Variants in RGSL1 observed in about 807,000 individuals in gnomAD.
The protein encoded by RGSL1 is regulator of G protein signaling like 1, also known as regulator of G protein signaling protein-like.
A neutral mutation model predicts 124.7 loss-of-function variants in RGSL1; 97 were observed. That is an observed-to-expected ratio of 0.78 (90% CI 0.66 to 0.92). RGSL1 has a LOEUF of 0.92. Ranked by LOEUF, RGSL1 falls within the 40% of genes least tolerant of loss-of-function variation. The probability of loss-of-function intolerance (pLI) is 0.00; values close to 1 mark genes in which losing one functional copy is unlikely to be tolerated. For synonymous variants in RGSL1, 424 were observed against 438.1 expected, an observed-to-expected ratio of 0.97 and a Z score of 0.40; for missense variants, 1,233 against 1,288.4, an observed-to-expected ratio of 0.96 and a Z score of 0.66.
intron 18 of RGSL1, among the ~76,000 whole-genome samples, chr1:182,553,079 T>C (rs544977092): frequency 4.9e-4 from 75 of 152,268 alleles, no homozygotes; most frequent in African/African-American, 1.6e-3. Flanking sequence ...TAATTTTATA[T>C]TTTTAATAGA....
At chr1:182,483,617 T>C (rs1654875983) in intron 6 of RGSL1, among the ~76,000 whole-genome samples, 1 of 152,162 alleles carries the variant, frequency 6.6e-6, no homozygotes, top group Non-Finnish European at 1.5e-5. Flanking sequence ...TATAGACATA[T>C]ATTTCTATTA....
intron 9 of RGSL1, among the ~76,000 whole-genome samples, chr1:182,493,507 T>C (rs1655685519): frequency 1.3e-5 from 2 of 151,868 alleles, no homozygotes; most frequent in Non-Finnish European, 2.9e-5. Context: ...TCTAAGAGAG[T>C]GAGGAAGGCA....
intron 9 of RGSL1, among the ~76,000 whole-genome samples, chr1:182,518,680 G>A (rs1658088310): frequency 6.6e-6 from 1 of 152,170 alleles, no homozygotes; most frequent in Non-Finnish European, 1.5e-5. Context: ...ACAGCAAGTT[G>A]GGGGAAAACT....
intron 17 of RGSL1, 33 bp downstream of exon 17, chr1:182,548,857 G>A: frequency 6.5e-7 from 1 of 1,549,046 alleles, no homozygotes; most frequent in Non-Finnish European, 8.7e-7. Flanking sequence ...TGACTGTTAG[G>A]TCAGGAAAAC....
chr1:182,521,832 A>G (rs74704043), intron 9 of RGSL1, among the ~76,000 whole-genome samples, 172 bp from the exon 10 acceptor site: 2,938 of 152,328 alleles, frequency 0.019, 97 homozygotes, highest in African/African-American at 0.067. Context: ...CAGGGGTATC[A>G]GTCATCCCTA....
chr1:182,460,160 CTGTGTGTGTG>C, intron 4 of RGSL1, 27 bp downstream of exon 4: 1 of 1,429,790 alleles, frequency 7.0e-7, no homozygotes, highest in Non-Finnish European at 9.3e-7. Flanking sequence ...ATGCGTGTGT[CTGTGTGTGTG>C]TGTGTGTGTG....
intron 14 of RGSL1, 59 bp downstream of exon 14, chr1:182,532,850 C>T: frequency 2.0e-6 from 3 of 1,497,782 alleles, no homozygotes; most frequent in South Asian, 2.4e-5. Flanking sequence ...TGAGGGTCAG[C>T]CCACATAAGA....
chr1:182,488,365 T>C lies in RGSL1; in HGVS notation c.1494+18T>C, dbSNP rs762246788. 97 of 1,547,798 alleles carry C rather than the reference T, an allele frequency of 6.3e-5. No individual in the cohort carries two copies. The highest frequency in any genetic ancestry group is 2.3e-5 in the Non-Finnish European group (26 of 1,143,206). On this transcript the variant is annotated intron_variant, in intron 7 of 21. Transcript: ENST00000294854. ...TTTTTACGGTAGGAAGGACTTTGGGTTAGGAAGGAATCATGAGGATGAGGG... is the reference window on the plus strand; with the variant it reads ...TTTTTACGGTAGGAAGGACTTTGGGCTAGGAAGGAATCATGAGGATGAGGG...
chr1:182,552,599 C>A (rs1660634463), intron 18 of RGSL1, among the ~76,000 whole-genome samples: 1 of 152,192 alleles, frequency 6.6e-6, no homozygotes, highest in South Asian at 2.1e-4. Flanking sequence ...CCTCTCTCAG[C>A]CTCACATCCC....
intron 9 of RGSL1, among the ~76,000 whole-genome samples, chr1:182,515,440 T>C (rs1657792058): frequency 6.6e-6 from 1 of 150,790 alleles, no homozygotes; most frequent in Non-Finnish European, 1.5e-5. Flanking sequence ...AAGTCTCAAA[T>C]GGGCCCTGGC....
At chr1:182,465,046 C>T (rs1169811093) in intron 4 of RGSL1, among the ~76,000 whole-genome samples, 1 of 147,492 alleles carries the variant, frequency 6.8e-6, no homozygotes, top group Non-Finnish European at 1.5e-5. Flanking sequence ...CACTGCACTC[C>T]AGCCTAGGTA....
chr1:182,483,889 G>A (rs1389737168), intron 6 of RGSL1, among the ~76,000 whole-genome samples: 1 of 152,094 alleles, frequency 6.6e-6, no homozygotes, highest in African/African-American at 2.4e-5. Context: ...ACAGAGCACA[G>A]CTCTGGTCCA....
intron 1 of RGSL1, among the ~76,000 whole-genome samples, chr1:182,451,531 G>C (rs571252522): frequency 1.3e-4 from 15 of 119,456 alleles, no homozygotes; most frequent in African/African-American, 4.0e-4. Flanking sequence ...CAAAGACATG[G>C]AGGTTTCAAG....
At chr1:182,545,816 A>G (rs1046955760) in intron 15 of RGSL1, among the ~76,000 whole-genome samples, 1 of 151,354 alleles carries the variant, frequency 6.6e-6, no homozygotes, top group Non-Finnish European at 1.5e-5. Flanking sequence ...TTTATATGTT[A>G]TTTTCTTCTT....
At chr1:182,548,869 C>T in intron 17 of RGSL1, 45 bp downstream of exon 17, 1 of 1,544,888 alleles carries the variant, frequency 6.5e-7, no homozygotes. Flanking sequence ...CAGGAAAACA[C>T]ACTTAGTTTG....
At chr1:182,461,104 G>C (rs1014308060) in intron 4 of RGSL1, among the ~76,000 whole-genome samples, 6 of 152,064 alleles carry the variant, frequency 3.9e-5, no homozygotes, top group Admixed American at 3.9e-4. Flanking sequence ...GGGATTTACA[G>C]AGCTGACATC....
intron 9 of RGSL1, among the ~76,000 whole-genome samples, chr1:182,508,290 G>GTTTTTTTTTTTTTTTTTTTTT (rs58641894): frequency 3.7e-5 from 2 of 53,784 alleles, no homozygotes; most frequent in African/African-American, 7.9e-5. Flanking sequence ...TGGTGGTGGT[G>GTTTTTTTTTTTTTTTTTTTTT]TTTTTTTTTT....
chr1:182,518,120 G>T (rs747688040), intron 9 of RGSL1, among the ~76,000 whole-genome samples: 3 of 152,100 alleles, frequency 2.0e-5, no homozygotes, highest in Non-Finnish European at 4.4e-5. Context: ...GCTCACTGCA[G>T]CCTCAACTTC....
chr1:182,452,341 G>A (rs1209251443), intron 1 of RGSL1, among the ~76,000 whole-genome samples: 1 of 152,152 alleles, frequency 6.6e-6, no homozygotes, highest in African/African-American at 2.4e-5. Flanking sequence ...GAGGGCTTGG[G>A]AGGGGTACAC....
Sources: allele counts gnomAD v4.1 joint callset (sites outside exome capture counted in the v4.1 genomes callset), GRCh38; gene constraint gnomAD v4.1.1; transcripts MANE v1.5; gene names NCBI Gene and HGNC (gene_info 2026-07-23, HGNC 2026-07-21).